SGCD: variants seen among roughly 807,000 people sequenced by gnomAD.
SGCD encodes the protein delta-sarcoglycan.
SGCD carries 18 observed loss-of-function variants against 36.6 expected under a neutral mutation model. The observed-to-expected ratio is 0.49, with a 90% CI of 0.34 to 0.73. SGCD has a LOEUF of 0.73. Among genes scored for constraint, SGCD ranks in the 30% least tolerant of loss-of-function variants. SGCD has a pLI of 0.01. For synonymous variants in SGCD, 133 were observed against 130.6 expected, an observed-to-expected ratio of 1.02 and a Z score of -0.12; for missense variants, 387 against 346.7, an observed-to-expected ratio of 1.12 and a Z score of -0.92.
intron 4 of SGCD, among the ~76,000 whole-genome samples, chr5:156,522,457 A>C (rs1191321574): frequency 6.6e-6 from 1 of 152,134 alleles, no homozygotes; most frequent in East Asian, 1.9e-4. Flanking sequence ...GCTGGAAGCC[A>C]TTATCCTCAG....
At chr5:156,039,867 A>G (rs896788819) in intron 1 of SGCD, among the ~76,000 whole-genome samples, 4 of 152,176 alleles carry the variant, frequency 2.6e-5, no homozygotes, top group Non-Finnish European at 5.9e-5. Flanking sequence ...AAGAAAAAAA[A>G]TCCTCTAAAC....
intron 3 of SGCD, among the ~76,000 whole-genome samples, chr5:156,417,079 T>C (rs903183942): frequency 1.3e-5 from 2 of 152,190 alleles, no homozygotes; most frequent in South Asian, 4.1e-4. Flanking sequence ...ACAATGCTTT[T>C]TTTAAAAAAA....
intron 1 of SGCD, among the ~76,000 whole-genome samples, chr5:156,115,306 A>G (rs991673808): frequency 1.8e-4 from 27 of 152,100 alleles, no homozygotes; most frequent in African/African-American, 4.1e-4. Context: ...CTATATGCCT[A>G]TATCTGGCAA....
In SGCD at chr5:156,111,773, A is replaced by C. The variant is rs1352356263; in HGVS notation, c.-281-6105A>C. 8.2e-5 allele frequency among the ~76,000 whole-genome samples: 12 copies of C among 147,116 alleles called. 1 individual carries two copies. The East Asian group carries it at 2.6e-3, about 32-fold the overall frequency. ...TTTCATTTGTTAAAAGCAGTGATAG[A>C]GGTGTATTTTTTTTTTTTTTCTTGA... On this transcript the variant is annotated intron_variant, in intron 1 of 9. Transcript: ENST00000517913.
chr5:155,781,707 G>A, the SGCD span, among the ~76,000 whole-genome samples: 1 of 152,102 alleles, frequency 6.6e-6, no homozygotes, highest in Non-Finnish European at 1.5e-5. Flanking sequence ...CCAGACTCAA[G>A]TGATCAGCCC....
At chr5:156,711,874 A>G (rs567316442) in intron 7 of SGCD, among the ~76,000 whole-genome samples, 56 of 152,352 alleles carry the variant, frequency 3.7e-4, no homozygotes, top group African/African-American at 1.3e-3. Flanking sequence ...GCTACTCCAT[A>G]GACGGAGCAG....
chr5:155,847,812 T>C, the SGCD span, among the ~76,000 whole-genome samples: 5 of 152,338 alleles, frequency 3.3e-5, no homozygotes, highest in South Asian at 2.1e-4. Flanking sequence ...ACAAACTTCA[T>C]TGAGCAGAAG....
intron 6 of SGCD, among the ~76,000 whole-genome samples, chr5:156,623,443 C>A (rs769283837): frequency 6.6e-6 from 1 of 152,214 alleles, no homozygotes; most frequent in Admixed American, 6.5e-5. Flanking sequence ...GTCGTGCAGC[C>A]TGCTCTATAA....
At chr5:156,729,351 A>C (rs142295227) in intron 7 of SGCD, among the ~76,000 whole-genome samples, 2 of 152,244 alleles carry the variant, frequency 1.3e-5, no homozygotes, top group African/African-American at 4.8e-5. Flanking sequence ...TTTACTCTCT[A>C]TCTCTCCGGT....
At chr5:156,117,581 C>T (rs971072301) in intron 1 of SGCD, among the ~76,000 whole-genome samples, 1 of 152,122 alleles carries the variant, frequency 6.6e-6, no homozygotes, top group Non-Finnish European at 1.5e-5. Flanking sequence ...CAACTGCATA[C>T]TTAGGTCCTT....
chr5:156,698,840 T>TACACAC (rs150929203), intron 7 of SGCD, among the ~76,000 whole-genome samples: 5,089 of 140,000 alleles, frequency 0.036, 100 homozygotes, highest in African/African-American at 0.054. Context: ...TAAATTAAAA[T>TACACAC]ACACACACAC....
At chr5:156,368,934 T>G (rs1770247558) in intron 3 of SGCD, among the ~76,000 whole-genome samples, 2 of 152,220 alleles carry the variant, frequency 1.3e-5, no homozygotes, top group South Asian at 4.1e-4. Context: ...ATAAATGTAA[T>G]GCACTTGAAT....
chr5:156,749,562 C>T (rs972585763), intron 7 of SGCD, among the ~76,000 whole-genome samples: 19 of 152,166 alleles, frequency 1.2e-4, no homozygotes, highest in African/African-American at 4.6e-4. Context: ...AAAAGACAGA[C>T]AGCTACAAAC....
At chr5:156,250,855 G>A (rs755503587) in intron 3 of SGCD, among the ~76,000 whole-genome samples, 23 of 152,196 alleles carry the variant, frequency 1.5e-4, no homozygotes, top group Admixed American at 3.3e-4. Flanking sequence ...TGCTGTGTAA[G>A]TCTGTAGGGA....
the SGCD span, among the ~76,000 whole-genome samples, chr5:155,858,430 C>G: frequency 1.3e-5 from 2 of 152,134 alleles, no homozygotes; most frequent in African/African-American, 4.8e-5. Context: ...TTTTAAATAA[C>G]ATAATTTTGA....
intron 1 of SGCD, among the ~76,000 whole-genome samples, chr5:155,983,216 C>T (rs536347847): frequency 6.6e-6 from 1 of 152,064 alleles, no homozygotes; most frequent in East Asian, 1.9e-4. Context: ...ATGTTAGATC[C>T]TCTTACTATT....
intron 3 of SGCD, among the ~76,000 whole-genome samples, chr5:156,206,608 G>A (rs947897600): frequency 6.6e-6 from 1 of 151,976 alleles, no homozygotes; most frequent in Admixed American, 6.6e-5. Context: ...GTGGTTAAAT[G>A]GCTTTATGTA....
At chr5:156,251,219 T>C (rs1477214896) in intron 3 of SGCD, among the ~76,000 whole-genome samples, 1 of 152,192 alleles carries the variant, frequency 6.6e-6, no homozygotes, top group Non-Finnish European at 1.5e-5. Context: ...ACAGAATTTT[T>C]TCTCTCTCTC....
intron 3 of SGCD, among the ~76,000 whole-genome samples, chr5:156,486,533 A>G (rs1755667116): frequency 6.6e-6 from 1 of 152,012 alleles, no homozygotes; most frequent in African/African-American, 2.4e-5. Context: ...GCTAGTGCCC[A>G]TCTGTACTAT....
Sources: allele counts gnomAD v4.1 joint callset (sites outside exome capture counted in the v4.1 genomes callset), GRCh38; gene constraint gnomAD v4.1.1; transcripts MANE v1.5; gene names NCBI Gene and HGNC (gene_info 2026-07-23, HGNC 2026-07-21).